The following HDAC9 variants were observed in gnomAD, a reference collection of about 807,000 sequenced individuals.
HDAC9 encodes the protein histone deacetylase 9, also known as MEF-2 interacting transcription repressor (MITR) protein.
Under a neutral mutation model 139.4 loss-of-function variants are expected in HDAC9, and 41 were observed. The observed-to-expected ratio is 0.29, with a 90% CI of 0.23 to 0.38. HDAC9 has a LOEUF of 0.38. HDAC9 is among the 10% of genes least tolerant of loss of function. HDAC9 has a pLI of 1.00. For missense variants in HDAC9, 1,147 were observed against 1,297.0 expected, an observed-to-expected ratio of 0.88 and a Z score of 1.78; for synonymous variants, 517 against 476.2, an observed-to-expected ratio of 1.09 and a Z score of -1.12.
upstream of HDAC9, among the ~76,000 whole-genome samples, chr7:18,491,091 A>G (rs538552397): frequency 6.6e-6 from 1 of 151,950 alleles, no homozygotes; most frequent in Admixed American, 6.6e-5. Context: ...GTTTCCAGTT[A>G]TCAACTGAGA....
intron 2 of HDAC9, among the ~76,000 whole-genome samples, chr7:18,249,596 G>A (rs994683987): frequency 4.0e-5 from 6 of 149,342 alleles, no homozygotes; most frequent in Middle Eastern, 3.6e-3. Flanking sequence ...ATTTCCTAAC[G>A]TTCCTTCAAG....
At chr7:18,234,989 C>T (rs906349947) in intron 2 of HDAC9, among the ~76,000 whole-genome samples, 5 of 152,078 alleles carry the variant, frequency 3.3e-5, no homozygotes, top group African/African-American at 1.2e-4. Context: ...TTTGGGATCC[C>T]CCCAGAGCTT....
chr7:18,455,888 T>A (rs1378371815), intron 1 of HDAC9, among the ~76,000 whole-genome samples: 2 of 152,276 alleles, frequency 1.3e-5, no homozygotes, highest in East Asian at 3.9e-4. Context: ...CATCAATTAG[T>A]GCCAACCTTG....
At chr7:18,294,180 G>T (rs1797996723) in intron 1 of HDAC9, among the ~76,000 whole-genome samples, 1 of 152,054 alleles carries the variant, frequency 6.6e-6, no homozygotes, top group Non-Finnish European at 1.5e-5. Context: ...TGATGCTATA[G>T]TTCACAAAAT....
upstream of HDAC9, among the ~76,000 whole-genome samples, chr7:18,493,504 C>A (rs1389100478): frequency 2.6e-5 from 4 of 151,772 alleles, no homozygotes; most frequent in African/African-American, 9.7e-5. Context: ...AGCCTGACTC[C>A]AATAGTGAGT....
chr7:18,834,145 C>T lies in HDAC9; in HGVS notation c.2467-1322C>T, dbSNP rs551575414. Among the ~76,000 whole-genome samples, 84 of 152,204 alleles carry T rather than the reference C, an allele frequency of 5.5e-4. 1 individual carries two copies. In the South Asian group the frequency reaches 0.015, roughly 27 times the overall value. ...ATCCATACCAGATATTTATATAGTG[C>T]CTGACTTAAAAATTGTAGAAATCAT... is the stretch of plus-strand genomic sequence containing the variant. On this transcript the variant is annotated intron_variant, in intron 19 of 25. Transcript: ENST00000686413.
chr7:18,690,273 G>A (rs1021738353), intron 12 of HDAC9, among the ~76,000 whole-genome samples: 2 of 152,016 alleles, frequency 1.3e-5, no homozygotes, highest in Non-Finnish European at 2.9e-5. Context: ...AAGATGCAAC[G>A]ACTGCAATTT....
chr7:18,400,841 C>A (rs1013411136), intron 1 of HDAC9, among the ~76,000 whole-genome samples: 2 of 152,132 alleles, frequency 1.3e-5, no homozygotes, highest in African/African-American at 4.8e-5. Flanking sequence ...AGATTGAATC[C>A]TGCAAACCAC....
chr7:18,499,036 T>C (rs1244817723), intron 2 of HDAC9, among the ~76,000 whole-genome samples: 1 of 151,670 alleles, frequency 6.6e-6, no homozygotes, highest in Non-Finnish European at 1.5e-5. Context: ...AGAGTTGAGA[T>C]CTTTCCTATG....
intron 19 of HDAC9, 145 bp from the exon 20 acceptor site, chr7:18,835,322 A>G: frequency 1.1e-6 from 1 of 882,214 alleles, no homozygotes; most frequent in Non-Finnish European, 1.7e-6. Flanking sequence ...GCAGGCTGAA[A>G]GGGAGAAAGA....
intron 16 of HDAC9, among the ~76,000 whole-genome samples, chr7:18,789,361 AT>A (rs1482558067): frequency 6.6e-6 from 1 of 152,088 alleles, no homozygotes; most frequent in East Asian, 1.9e-4. Flanking sequence ...GGGAAAAAGA[AT>A]AAGTTGTTGG....
chr7:18,604,956 T>C (rs1434095279), intron 6 of HDAC9, among the ~76,000 whole-genome samples: 1 of 152,246 alleles, frequency 6.6e-6, no homozygotes, highest in Non-Finnish European at 1.5e-5. Context: ...TTTAGGATGC[T>C]TTATAATTTT....
chr7:18,908,682 A>G (rs1802487666), intron 22 of HDAC9, among the ~76,000 whole-genome samples: 1 of 152,040 alleles, frequency 6.6e-6, no homozygotes, highest in Non-Finnish European at 1.5e-5. Context: ...TACTTAACAT[A>G]ATGTTCTCTT....
At chr7:18,829,329 C>G (rs756062510) in intron 18 of HDAC9, 113 bp downstream of exon 18, 2 of 1,127,950 alleles carry the variant, frequency 1.8e-6, no homozygotes, top group Non-Finnish European at 2.7e-6. Context: ...AAAAATCTTG[C>G]GAGGTACTCC....
chr7:18,517,427 C>A (rs900022286), intron 2 of HDAC9, among the ~76,000 whole-genome samples: 4 of 152,152 alleles, frequency 2.6e-5, no homozygotes, highest in South Asian at 2.1e-4. Context: ...TGGGAATGAA[C>A]GAACTAAAGG....
intron 6 of HDAC9, among the ~76,000 whole-genome samples, chr7:18,623,788 A>G (rs562189022): frequency 1.4e-4 from 21 of 152,292 alleles, no homozygotes; most frequent in Admixed American, 7.2e-4. Context: ...CTAAAAATAC[A>G]AAAATTAGCC....
intron 1 of HDAC9, among the ~76,000 whole-genome samples, chr7:18,292,083 G>A (rs1290801561): frequency 6.6e-6 from 1 of 152,042 alleles, no homozygotes; most frequent in African/African-American, 2.4e-5. Flanking sequence ...ACAAATGGAT[G>A]GTGAGGACCT....
At chr7:18,162,387 A>G (rs1283316028) in intron 2 of HDAC9, 1 of 1,504,732 alleles carries the variant, frequency 6.6e-7, no homozygotes, top group Non-Finnish European at 8.9e-7. Context: ...AATAGACTTC[A>G]TGTGAAAGAT....
chr7:18,788,063 C>G (rs1413003369), intron 16 of HDAC9, among the ~76,000 whole-genome samples: 1 of 152,158 alleles, frequency 6.6e-6, no homozygotes, highest in Admixed American at 6.5e-5. Flanking sequence ...TCTGAACACT[C>G]AGGGTTCCAT....
Sources: gnomAD v4.1 joint callset for allele counts (sites outside exome capture counted in the v4.1 genomes callset) on GRCh38, gnomAD v4.1.1 for gene constraint, MANE v1.5 for transcripts, NCBI Gene and HGNC (gene_info 2026-07-23, HGNC 2026-07-21) for gene names.